The following PIKFYVE variants were observed in gnomAD, a reference collection of about 807,000 sequenced individuals.
PIKFYVE encodes 1-phosphatidylinositol 3-phosphate 5-kinase.
PIKFYVE carries 122 observed loss-of-function variants against 257.9 expected under a neutral mutation model. That is an observed-to-expected ratio of 0.47 (90% confidence interval 0.41 to 0.55). The LOEUF (loss-of-function observed/expected upper bound fraction) is 0.55, where lower values mean the gene tolerates loss of function less well. Among genes scored for constraint, PIKFYVE ranks in the 20% least tolerant of loss-of-function variants. The probability of loss-of-function intolerance (pLI) is 0.00; values close to 1 mark genes in which losing one functional copy is unlikely to be tolerated. For synonymous variants in PIKFYVE, 892 were observed against 868.9 expected, an observed-to-expected ratio of 1.03 and a Z score of -0.47; for missense variants, 2,160 against 2,536.6, an observed-to-expected ratio of 0.85 and a Z score of 3.19.
intron 7 of PIKFYVE, among the ~76,000 whole-genome samples, chr2:208,289,735 T>G (rs796194592): frequency 2.0e-5 from 3 of 152,270 alleles, no homozygotes; most frequent in African/African-American, 7.2e-5. Context: ...CAGCCTGTTA[T>G]TTTTTAGTAA....
chr2:208,282,066 C>T (rs1690888715), intron 5 of PIKFYVE, among the ~76,000 whole-genome samples: 1 of 152,166 alleles, frequency 6.6e-6, no homozygotes, highest in South Asian at 2.1e-4. Context: ...CAGCCCATGT[C>T]ATTATAGTTG....
Position 208,346,165 on chromosome 2 carries a change from G to A in PIKFYVE, c.5209+18G>A. 3 of 1,557,066 alleles carry A rather than the reference G, an allele frequency of 1.9e-6. No individual in the cohort carries two copies. The highest frequency in any genetic ancestry group is 2.7e-6 in the Non-Finnish European group (3 of 1,128,848). ...ACAACCAAGTAAGATTACACATGGA[G>A]GAATATTTATAATTAGATTTACCTA... is the stretch of plus-strand genomic sequence containing the variant. On this transcript the variant is annotated intron_variant, in intron 34 of 41. Coordinates refer to ENST00000264380, the MANE Select transcript of PIKFYVE (RefSeq NM_015040.4).
rs201255886 is a variant in PIKFYVE at position 208,340,004 on chromosome 2, A to G, written c.4811-7A>G. 126 of 1,612,380 alleles carry G rather than the reference A, an allele frequency of 7.8e-5. No individual in the cohort carries two copies. The highest frequency in any genetic ancestry group is 1.0e-4 in the Non-Finnish European group (123 of 1,178,602). On this transcript the variant is annotated splice_polypyrimidine_tract_variant and splice_region_variant and intron_variant, in intron 30 of 41. Coordinates refer to ENST00000264380, the MANE Select transcript of PIKFYVE (RefSeq NM_015040.4). ...TTAATATATAAGTAGACTATTTTTCATTTTAGATGTGTTTGATGGGCATTT... is the reference window on the plus strand; with the variant it reads ...TTAATATATAAGTAGACTATTTTTCGTTTTAGATGTGTTTGATGGGCATTT...
chr2:208,333,971 C>T (rs1488626378), intron 24 of PIKFYVE, among the ~76,000 whole-genome samples: 5 of 152,164 alleles, frequency 3.3e-5, no homozygotes, highest in African/African-American at 4.8e-5. Context: ...ATTGTTTTGG[C>T]ATCTGATGGC....
chr2:208,278,401 TC>T (rs1344835803), intron 5 of PIKFYVE, among the ~76,000 whole-genome samples: 1 of 152,084 alleles, frequency 6.6e-6, no homozygotes, highest in Non-Finnish European at 1.5e-5. Context: ...TACTTGTATT[TC>T]TTTTTTTTTT....
At position 208,325,765 on chromosome 2, in the gene PIKFYVE, A is replaced by G. The variant is rs1346610853; in HGVS notation, c.2954A>G (p.Asp985Gly). The G allele has an allele frequency of 1.2e-6, 2 of 1,613,676 alleles. No homozygotes were observed. The highest frequency in any genetic ancestry group is 1.3e-5 in the African/African-American group (1 of 74,878). Reference sequence around the variant, plus strand: ...GAATCATTGTTGCCACTCCCTGTGGATGACCAACAAGATGCTTTAGGCAGC... The same window carrying G: ...GAATCATTGTTGCCACTCCCTGTGGGTGACCAACAAGATGCTTTAGGCAGC... ...VPESLLPLPV[D>G]DQQDALGSEQ... The change falls in exon 20 of 42, where the codon GAT (aspartate) becomes GGT (glycine). Residue 985 changes from aspartate (D) to glycine (G), a missense_variant. Coordinates refer to ENST00000264380, the MANE Select transcript of PIKFYVE (RefSeq NM_015040.4).
intron 7 of PIKFYVE, among the ~76,000 whole-genome samples, chr2:208,296,296 C>T (rs763881886): frequency 3.9e-5 from 6 of 152,104 alleles, no homozygotes; most frequent in Admixed American, 3.3e-4. Flanking sequence ...TGAGCCACCA[C>T]GCCTGGACGA....
At chr2:208,303,270 C>T (rs1693932213) in intron 10 of PIKFYVE, among the ~76,000 whole-genome samples, 1 of 103,482 alleles carries the variant, frequency 9.7e-6, no homozygotes, top group South Asian at 3.7e-4. Flanking sequence ...CATATATATA[C>T]ATATACACAC....
At chr2:208,311,139 G>A (rs961220634) in intron 12 of PIKFYVE, among the ~76,000 whole-genome samples, 1 of 151,984 alleles carries the variant, frequency 6.6e-6, no homozygotes, top group Non-Finnish European at 1.5e-5. Flanking sequence ...TAACTAAATG[G>A]GGAAAATCCA....
intron 27 of PIKFYVE, among the ~76,000 whole-genome samples, 160 bp from the exon 28 acceptor site, chr2:208,336,678 T>C (rs1698170694): frequency 6.6e-6 from 1 of 152,056 alleles, no homozygotes; most frequent in Admixed American, 6.6e-5. Flanking sequence ...TAATTAGATA[T>C]GACAAAAACT....
intron 5 of PIKFYVE, among the ~76,000 whole-genome samples, chr2:208,282,526 C>T (rs1333307875): frequency 1.3e-5 from 2 of 152,220 alleles, no homozygotes; most frequent in African/African-American, 4.8e-5. Flanking sequence ...GGATTTCTGT[C>T]TTGCAGTGTT....
rs1381630613 is a variant in PIKFYVE, at chr2:208,336,848, C to G, written c.4531C>G (p.Leu1511Val). The change falls in exon 28 of 42, where the codon CTT becomes GTT. Residue 1511 changes from leucine (L) to valine (V), a missense_variant. By Grantham distance (32) the Leu-to-Val change is conservative. Coordinates refer to ENST00000264380, the MANE Select transcript of PIKFYVE (RefSeq NM_015040.4). Reference protein sequence around the residue: ...LQAWNNRLQDLFQQEKGRKRP... With the variant: ...LQAWNNRLQDVFQQEKGRKRP... Reference sequence around the variant, plus strand: ...TGCTTTTGGCCACAGGTTGCAGGACCTTTTCCAACAGGAAAAGGGTAGAAA... The same window carrying G: ...TGCTTTTGGCCACAGGTTGCAGGACGTTTTCCAACAGGAAAAGGGTAGAAA... The G allele has an allele frequency of 6.2e-7, 1 of 1,612,272 alleles. No individual in the cohort carries two copies. Among genetic ancestry groups the G allele is most frequent in the Non-Finnish European group, 8.5e-7 (1 of 1,179,006 alleles).
In PIKFYVE at chr2:208,312,224, C is replaced by T. The variant is rs1377510407; in HGVS notation, c.1637-12C>T. The T allele has an allele frequency of 6.2e-7, 1 of 1,603,842 alleles. No individual in the cohort carries two copies. The highest frequency in any genetic ancestry group is 1.7e-5 in the Admixed American group (1 of 59,912). On this transcript the variant is annotated splice_polypyrimidine_tract_variant and intron_variant, in intron 12 of 41. Transcript: ENST00000264380. ...TTTTGTTCCTCCTCTCTGTTGTCTC[C>T]CTGGTATGCAGAGTATTTGATTTCT...
At chr2:208,354,269 T>G in intron 40 of PIKFYVE, 110 bp downstream of exon 40, 3 of 1,374,490 alleles carry the variant, frequency 2.2e-6, no homozygotes, top group Non-Finnish European at 9.9e-7. Flanking sequence ...TTCACAAACT[T>G]TCATTTGAAA....
intron 31 of PIKFYVE, 150 bp from the exon 32 acceptor site, chr2:208,342,404 A>G: frequency 3.2e-6 from 2 of 632,872 alleles, no homozygotes; most frequent in Non-Finnish European, 5.5e-6. Flanking sequence ...AATTCTGATA[A>G]TTTTCTAATT....
rs953642335 is a variant in PIKFYVE at position 208,329,738 on chromosome 2, T to C, written c.3720-104T>C. 16 of 1,527,028 alleles carry C rather than the reference T, an allele frequency of 1.0e-5. No homozygotes were observed. In the African/African-American group the frequency reaches 1.9e-4, roughly 18 times the overall value. 94.6% of individuals were successfully genotyped at this position (1,527,028 alleles called of 1,614,324 possible). A position where few individuals can be genotyped will look rare whatever the true frequency, so the allele number is the denominator to read the frequency against. ...GAACATTACCTCCTTTCATACTTCATTGTAAGTACCATACATTTAATAGGT... is the reference window on the plus strand; with the variant it reads ...GAACATTACCTCCTTTCATACTTCACTGTAAGTACCATACATTTAATAGGT... On this transcript the variant is annotated intron_variant, in intron 21 of 41. Transcript: ENST00000264380.
At chr2:208,299,885 C>T (rs936123482) in intron 8 of PIKFYVE, among the ~76,000 whole-genome samples, 3 of 152,058 alleles carry the variant, frequency 2.0e-5, no homozygotes, top group Admixed American at 1.3e-4. Context: ...GGTGTGGTGG[C>T]ATGCACGTGT....
chr2:208,314,152 A>G (rs890171706), intron 13 of PIKFYVE, 142 bp from the exon 14 acceptor site: 1 of 820,994 alleles, frequency 1.2e-6, no homozygotes, highest in African/African-American at 1.7e-5. Flanking sequence ...TGTTTATTAC[A>G]TGTTCTTGCC....
rs548635362 is a variant in PIKFYVE at position 208,272,094 on chromosome 2, G to A, written c.172+403G>A. On this transcript the variant is annotated intron_variant, in intron 2 of 41. Transcript: ENST00000264380. ...CTAAAAATACAAAAAAATTAGCCGG[G>A]CATGGTGGCAGGCGCCTGTAGTCCC... is the stretch of plus-strand genomic sequence containing the variant. Among the ~76,000 whole-genome samples the A allele has an allele frequency of 2.0e-3, 311 of 152,080 alleles. 2 individuals carry two copies. Among genetic ancestry groups the A allele is most frequent in the Non-Finnish European group, 2.9e-3 (194 of 67,986 alleles).
Sources: gnomAD v4.1 joint callset for allele counts (sites outside exome capture counted in the v4.1 genomes callset) on GRCh38, gnomAD v4.1.1 for gene constraint, MANE v1.5 for transcripts, NCBI Gene and HGNC (gene_info 2026-07-23, HGNC 2026-07-21) for gene names.